NLGN1: variants seen among roughly 807,000 people sequenced by gnomAD.
The protein encoded by NLGN1 is neuroligin-1.
NLGN1 carries 12 observed loss-of-function variants against 65.5 expected under a neutral mutation model. The observed-to-expected ratio is 0.18, with a 90% confidence interval of 0.12 to 0.30. NLGN1 has a LOEUF of 0.30. Ranked by LOEUF, NLGN1 falls within the 10% of genes least tolerant of loss-of-function variation. The probability of loss-of-function intolerance (pLI) is 1.00; values close to 1 mark genes in which losing one functional copy is unlikely to be tolerated. For synonymous variants in NLGN1, 350 were observed against 359.5 expected (o/e 0.97, Z 0.30); for missense variants, 750 against 1,007.1 (o/e 0.74, Z 3.46).
chr3:174,255,936 G>A lies in NLGN1; in HGVS notation c.647-19379G>A, dbSNP rs373627827. On this transcript the variant is annotated intron_variant, in intron 4 of 6. Coordinates refer to ENST00000457714, the Ensembl canonical transcript of NLGN1. ...GCCCTCCCCAAGTGTTGAGATTACA[G>A]GCGTGAGCCACTGCTCCTGGCCTTC... Among the ~76,000 whole-genome samples, 4 of 152,050 alleles carry A rather than the reference G, an allele frequency of 2.6e-5. No homozygotes were observed. In the South Asian group the frequency reaches 8.3e-4, roughly 32 times the overall value.
At chr3:173,858,697 G>C (rs1728494712) in intron 4 of NLGN1, among the ~76,000 whole-genome samples, 1 of 151,902 alleles carries the variant, frequency 6.6e-6, no homozygotes. Flanking sequence ...ATTTTATTTG[G>C]AATGTCAGTT....
At chr3:173,699,473 C>T (rs922478087) in intron 3 of NLGN1, among the ~76,000 whole-genome samples, 9 of 152,190 alleles carry the variant, frequency 5.9e-5, no homozygotes, top group Admixed American at 2.0e-4. Context: ...AGCCAAATGG[C>T]CTGATTTTTC....
intron 4 of NLGN1, among the ~76,000 whole-genome samples, chr3:174,106,925 G>A (rs889409598): frequency 2.0e-5 from 3 of 150,848 alleles, no homozygotes; most frequent in African/African-American, 7.3e-5. Context: ...ACATACATTA[G>A]TGAGGGTGGA....
intron 4 of NLGN1, among the ~76,000 whole-genome samples, chr3:173,964,948 G>C (rs948963863): frequency 6.6e-6 from 1 of 152,146 alleles, no homozygotes; most frequent in Non-Finnish European, 1.5e-5. Context: ...CTTCAAAGCT[G>C]TTTTGAGTAA....
At chr3:173,552,771 C>T (rs1199883738) in intron 2 of NLGN1, among the ~76,000 whole-genome samples, 6 of 152,100 alleles carry the variant, frequency 3.9e-5, no homozygotes, top group Non-Finnish European at 2.9e-5. Flanking sequence ...GCCAGGGAGC[C>T]CTTCCCACCT....
At chr3:174,085,127 G>T (rs185357116) in intron 4 of NLGN1, among the ~76,000 whole-genome samples, 1 of 151,926 alleles carries the variant, frequency 6.6e-6, no homozygotes, top group Non-Finnish European at 1.5e-5. Flanking sequence ...TTGCTCCTTA[G>T]GGATGGATAG....
chr3:174,160,298 A>G (rs990649379), intron 4 of NLGN1, among the ~76,000 whole-genome samples: 1 of 151,728 alleles, frequency 6.6e-6, no homozygotes, highest in Non-Finnish European at 1.5e-5. Context: ...TTTGTGAAGA[A>G]GTTGTAGACC....
chr3:174,047,451 C>T (rs1048397686), intron 4 of NLGN1, among the ~76,000 whole-genome samples: 2 of 152,070 alleles, frequency 1.3e-5, no homozygotes, highest in Non-Finnish European at 2.9e-5. Flanking sequence ...AATTTAGAAA[C>T]ATCCAAATCC....
chr3:173,632,843 T>TG (rs1755913302), intron 3 of NLGN1, among the ~76,000 whole-genome samples: 2 of 85,916 alleles, frequency 2.3e-5, no homozygotes, highest in South Asian at 5.5e-4. Flanking sequence ...TAGTGTTTTT[T>TG]TTTTTGTTTT....
intron 2 of NLGN1, among the ~76,000 whole-genome samples, chr3:173,475,706 G>T (rs1726078410): frequency 6.6e-6 from 1 of 152,116 alleles, no homozygotes. Flanking sequence ...TTATTGCATA[G>T]CAATTACCAC....
chr3:173,534,893 T>G (rs757120219), intron 2 of NLGN1, among the ~76,000 whole-genome samples: 1 of 152,240 alleles, frequency 6.6e-6, no homozygotes, highest in Non-Finnish European at 1.5e-5. Context: ...TGATTCATGC[T>G]TTTAATTGAT....
the NLGN1 span, among the ~76,000 whole-genome samples, chr3:174,293,127 A>C: frequency 6.6e-6 from 1 of 151,558 alleles, no homozygotes; most frequent in Non-Finnish European, 1.5e-5. Flanking sequence ...TTCAGTAATA[A>C]AATTATAAAG....
At chr3:173,760,092 AG>A (rs1478063387) in intron 3 of NLGN1, among the ~76,000 whole-genome samples, 1 of 151,992 alleles carries the variant, frequency 6.6e-6, no homozygotes, top group African/African-American at 2.4e-5. Context: ...CTTCTCTGCA[AG>A]TGGCTTTAAA....
intron 2 of NLGN1, among the ~76,000 whole-genome samples, chr3:173,486,407 G>A (rs1404750676): frequency 6.6e-6 from 1 of 152,038 alleles, no homozygotes; most frequent in Non-Finnish European, 1.5e-5. Flanking sequence ...TGAAATTATA[G>A]GCTTCACTAG....
rs991881474 is a variant in NLGN1 at position 173,561,267 on chromosome 3, CTGAGGAAGCGT to C, written c.-320-43009_-320-42999del. Among the ~76,000 whole-genome samples, 17 of 152,330 alleles carry C rather than the reference CTGAGGAAGCGT, an allele frequency of 1.1e-4. 1 individual carries two copies. The highest frequency in any genetic ancestry group is 2.0e-4 in the Admixed American group (3 of 15,296). On this transcript the variant is annotated intron_variant, in intron 2 of 6. Coordinates refer to ENST00000457714, the Ensembl canonical transcript of NLGN1. ...AAGAAAACTATCAGATAACTTGTGT[CTGAGGAAGCGT>C]TGCCTTTACTTCCAAAGCCTCTTGT...
At chr3:173,952,400 G>A (rs1179544569) in intron 4 of NLGN1, among the ~76,000 whole-genome samples, 6 of 152,150 alleles carry the variant, frequency 3.9e-5, no homozygotes, top group East Asian at 1.9e-4. Flanking sequence ...AATAGTCTTC[G>A]TGACATTTTT....
chr3:173,985,672 G>A (rs1188316937), intron 4 of NLGN1, among the ~76,000 whole-genome samples: 1 of 152,126 alleles, frequency 6.6e-6, no homozygotes, highest in African/African-American at 2.4e-5. Flanking sequence ...ACTATTGTGT[G>A]GGTGCACTGA....
chr3:174,092,878 C>A (rs1241454304), intron 4 of NLGN1, among the ~76,000 whole-genome samples: 1 of 152,178 alleles, frequency 6.6e-6, no homozygotes, highest in Non-Finnish European at 1.5e-5. Context: ...TGTTCTCTGT[C>A]TCCCTTTCCC....
chr3:173,539,640 A>ATACATATATACATATATGTATATATG (rs1738190498), intron 2 of NLGN1, among the ~76,000 whole-genome samples: 2 of 111,808 alleles, frequency 1.8e-5, no homozygotes, highest in Admixed American at 1.7e-4. Context: ...ATACACATAT[A>ATACATATATACATATATGTATATATG]TACATATATA....
Sources: gnomAD v4.1 joint callset for allele counts (sites outside exome capture counted in the v4.1 genomes callset) on GRCh38, gnomAD v4.1.1 for gene constraint, MANE v1.5 for transcripts, NCBI Gene and HGNC (gene_info 2026-07-23, HGNC 2026-07-21) for gene names.